Variants in RANBP3 observed in about 807,000 individuals in gnomAD.
RANBP3 encodes the protein ran-binding protein 3.
Under a neutral mutation model 77.3 loss-of-function variants are expected in RANBP3, and 14 were observed. The ratio of observed to expected loss-of-function variants is 0.18; its 90% CI spans 0.12 to 0.28. The LOEUF (loss-of-function observed/expected upper bound fraction) is 0.28. Ranked by LOEUF, RANBP3 falls within the 10% of genes least tolerant of loss-of-function variation. The pLI, the probability that RANBP3 is intolerant of heterozygous loss-of-function variation, is 1.00. For synonymous variants in RANBP3, 315 were observed against 312.4 expected, an observed-to-expected ratio of 1.01 and a Z score of -0.09; for missense variants, 586 against 752.3, an observed-to-expected ratio of 0.78 and a Z score of 2.59.
At chr19:5,925,368 G>A (rs186784299) in intron 10 of RANBP3, 2 of 560,374 alleles carry the variant, frequency 3.6e-6, no homozygotes, top group African/African-American at 1.9e-5. Context: ...ACACTCCAAG[G>A]GCTGGGCTGT....
At chr19:5,917,679 C>T in intron 16 of RANBP3, 26 bp from the exon 17 acceptor site, 9 of 1,603,762 alleles carry the variant, frequency 5.6e-6, no homozygotes, top group Non-Finnish European at 6.8e-6. Flanking sequence ...AGCCCCGCAT[C>T]AGGATGGAGC....
chr19:5,925,769 G>A (rs768696475), intron 9 of RANBP3, 32 bp from the exon 10 acceptor site: 2 of 1,577,012 alleles, frequency 1.3e-6, no homozygotes, highest in Admixed American at 1.7e-5. Flanking sequence ...CAGTAATCGG[G>A]GGTGGGGGGG....
At chr19:5,940,721 C>T (rs1319570944) in intron 5 of RANBP3, among the ~76,000 whole-genome samples, 1 of 152,182 alleles carries the variant, frequency 6.6e-6, no homozygotes, top group Admixed American at 6.5e-5. Flanking sequence ...GTTGGGTAAC[C>T]AGAGAACCTG....
intron 10 of RANBP3, 148 bp downstream of exon 10, chr19:5,925,486 A>T (rs555055623): frequency 5.9e-6 from 4 of 677,676 alleles, no homozygotes; most frequent in Non-Finnish European, 7.8e-6. Context: ...GGTTGTGCCC[A>T]GAGTGGGGAA....
intron 1 of RANBP3, among the ~76,000 whole-genome samples, chr19:5,972,326 T>A (rs1226088160): frequency 6.6e-6 from 1 of 152,176 alleles, no homozygotes; most frequent in Non-Finnish European, 1.5e-5. Context: ...GTGTGGCAGC[T>A]CTAAGTGCCA....
chr19:5,974,706 T>G (rs1385361328), intron 1 of RANBP3, among the ~76,000 whole-genome samples: 1 of 152,138 alleles, frequency 6.6e-6, no homozygotes, highest in East Asian at 1.9e-4. Context: ...TACCCTCTAC[T>G]ACTCAAACCA....
chr19:5,924,593 G>A lies in RANBP3; in HGVS notation c.996+234C>T, dbSNP rs1320138987. Among the ~76,000 whole-genome samples the A allele has an allele frequency of 4.6e-5, 7 of 152,260 alleles. No homozygotes were observed. The highest frequency in any genetic ancestry group is 1.0e-4 in the Non-Finnish European group (7 of 68,040). On this transcript the variant is annotated intron_variant, in intron 11 of 16. Transcript: ENST00000340578. This position sits in a 1 kb window ranked among gnomAD's most constrained non-coding sequence, Gnocchi z 4.7. ...GGAAGCCCATCTTGGGATGAAGTTG[G>A]CCCTGGTCAGCACGGAGGAGCCGGG...
chr19:5,958,059 A>G lies in RANBP3; in HGVS notation c.23-86T>C. The G allele has an allele frequency of 8.3e-7, 1 of 1,201,028 alleles. No homozygotes were observed. The highest frequency in any genetic ancestry group is 1.2e-6 in the Non-Finnish European group (1 of 820,680). 74.4% of individuals were successfully genotyped at this position (1,201,028 alleles called of 1,614,324 possible). On this transcript the variant is annotated intron_variant, in intron 1 of 16. Transcript: ENST00000340578. The surrounding 1 kb of genome is among the most constrained non-coding windows in gnomAD (Gnocchi z 4.4). ...TACACTTGTTTGTAATATGTTAAAC[A>G]TATATATAAATGAAACTAGTAACTC...
At chr19:5,957,402 C>T (rs748707974) in intron 2 of RANBP3, among the ~76,000 whole-genome samples, 2 of 152,118 alleles carry the variant, frequency 1.3e-5, no homozygotes, top group African/African-American at 2.4e-5. Context: ...CTCATGGACA[C>T]GGGATAAATA....
chr19:5,951,637 G>T (rs2058277717), intron 2 of RANBP3, 41 bp from the exon 3 acceptor site: 1 of 1,566,804 alleles, frequency 6.4e-7, no homozygotes, highest in African/African-American at 1.4e-5. Flanking sequence ...TGTGAATAAA[G>T]GCTGCATCAC....
intron 1 of RANBP3, among the ~76,000 whole-genome samples, chr19:5,965,141 G>A (rs2058451808): frequency 1.3e-5 from 2 of 151,960 alleles, no homozygotes. Flanking sequence ...GGAGGTGGGG[G>A]GCTTGAGGAG....
At chr19:5,946,964 G>A (rs1383092441) in intron 3 of RANBP3, among the ~76,000 whole-genome samples, 2 of 152,196 alleles carry the variant, frequency 1.3e-5, no homozygotes, top group African/African-American at 4.8e-5. Flanking sequence ...CAATGCCTGG[G>A]ACACACTCAG....
intron 7 of RANBP3, 42 bp from the exon 8 acceptor site, chr19:5,931,573 G>A (rs759070151): frequency 1.1e-4 from 178 of 1,574,424 alleles, no homozygotes; most frequent in Middle Eastern, 1.8e-4. Context: ...GGTGCTTGGC[G>A]GCCCTCCCAC....
chr19:5,926,295 C>T (rs949733255), intron 9 of RANBP3, among the ~76,000 whole-genome samples: 1 of 152,092 alleles, frequency 6.6e-6, no homozygotes, highest in Non-Finnish European at 1.5e-5. Context: ...GCCTGTAATA[C>T]CAGCACTTTG....
At chr19:5,951,203 G>A (rs998742952) in intron 3 of RANBP3, among the ~76,000 whole-genome samples, 190 bp downstream of exon 3, 1 of 152,202 alleles carries the variant, frequency 6.6e-6, no homozygotes, top group African/African-American at 2.4e-5. Context: ...GCTAAAAGGG[G>A]ATTCGATCTT....
At chr19:5,918,357 A>T in intron 15 of RANBP3, 139 bp downstream of exon 15, 1 of 923,804 alleles carries the variant, frequency 1.1e-6, no homozygotes, top group Non-Finnish European at 1.6e-6. Flanking sequence ...CGGGTCCCAT[A>T]GTGCTTCTTG....
At chr19:5,974,656 A>G (rs2058568513) in intron 1 of RANBP3, among the ~76,000 whole-genome samples, 1 of 152,080 alleles carries the variant, frequency 6.6e-6, no homozygotes, top group Non-Finnish European at 1.5e-5. Context: ...GATGCTTTAC[A>G]CAACAGAAAA....
intron 5 of RANBP3, among the ~76,000 whole-genome samples, chr19:5,935,111 C>A (rs906180949): frequency 6.6e-6 from 1 of 152,176 alleles, no homozygotes; most frequent in African/African-American, 2.4e-5. Flanking sequence ...AAAACGATGA[C>A]AACAAAACCC....
chr19:5,948,348 A>C (rs550302770), intron 3 of RANBP3, among the ~76,000 whole-genome samples: 1 of 151,640 alleles, frequency 6.6e-6, no homozygotes, highest in Non-Finnish European at 1.5e-5. Flanking sequence ...GCTACTCAGG[A>C]GGCTGAGGCA....
Sources: allele counts gnomAD v4.1 joint callset (sites outside exome capture counted in the v4.1 genomes callset), GRCh38; gene constraint gnomAD v4.1.1; non-coding constraint Gnocchi (gnomAD v3.1); transcripts MANE v1.5; gene names NCBI Gene and HGNC (gene_info 2026-07-23, HGNC 2026-07-21).